Variants in QTMAN observed in about 807,000 individuals in gnomAD.
QTMAN encodes tRNA-queuosine alpha-mannosyltransferase.
the QTMAN span, among the ~76,000 whole-genome samples, chr2:144,089,522 C>T: frequency 1.3e-5 from 2 of 151,834 alleles, no homozygotes; most frequent in African/African-American, 4.8e-5. Flanking sequence ...TTCACCATGG[C>T]AAAGATACGG....
chr2:144,297,259 T>A, the QTMAN span, among the ~76,000 whole-genome samples: 1 of 152,194 alleles, frequency 6.6e-6, no homozygotes, highest in Non-Finnish European at 1.5e-5. Context: ...TCTTGAATAA[T>A]GCCAAGAGCA....
At chr2:144,145,561 TC>T in the QTMAN span, 1 of 1,598,138 alleles carries the variant, frequency 6.3e-7, no homozygotes, top group Non-Finnish European at 8.6e-7. Flanking sequence ...AATGATACAA[TC>T]CATACCTACC....
the QTMAN span, among the ~76,000 whole-genome samples, chr2:144,200,272 T>G: frequency 8.1e-4 from 124 of 152,338 alleles, no homozygotes; most frequent in African/African-American, 2.8e-3. Context: ...GCAAAATACC[T>G]CTTTGGGCCA....
At chr2:143,938,257 T>C in the QTMAN span, 1 of 152,190 alleles carries the variant, frequency 6.6e-6, no homozygotes. Context: ...TCTTTCCTTT[T>C]AATTAATCAG....
At chr2:144,137,597 T>G in the QTMAN span, among the ~76,000 whole-genome samples, 1 of 152,112 alleles carries the variant, frequency 6.6e-6, no homozygotes, top group East Asian at 1.9e-4. Flanking sequence ...GAACACTGGA[T>G]GAAGATTTTG....
the QTMAN span, among the ~76,000 whole-genome samples, chr2:144,100,374 A>C: frequency 6.6e-6 from 1 of 152,226 alleles, no homozygotes; most frequent in Admixed American, 6.5e-5. Flanking sequence ...ATGCCACTCA[A>C]ATAAGAAAGA....
chr2:144,225,105 C>T, the QTMAN span, among the ~76,000 whole-genome samples: 1 of 152,098 alleles, frequency 6.6e-6, no homozygotes, highest in Non-Finnish European at 1.5e-5. Context: ...ATTTGATCTC[C>T]CAGGTGCAGC....
the QTMAN span, among the ~76,000 whole-genome samples, chr2:144,152,975 AAG>A: frequency 5.3e-5 from 8 of 152,196 alleles, no homozygotes; most frequent in Non-Finnish European, 1.0e-4. Flanking sequence ...AAAGAGAACT[AAG>A]AGCAGTGAAA....
chr2:144,070,515 T>A, the QTMAN span, among the ~76,000 whole-genome samples: 1 of 152,076 alleles, frequency 6.6e-6, no homozygotes, highest in Non-Finnish European at 1.5e-5. Flanking sequence ...GTGAAATACA[T>A]AACACAATAC....
the QTMAN span, among the ~76,000 whole-genome samples, chr2:144,018,593 G>A: frequency 6.6e-6 from 1 of 152,104 alleles, no homozygotes; most frequent in South Asian, 2.1e-4. Context: ...AAAACAGATG[G>A]ATAAATTTGA....
chr2:144,029,857 ATT>A, the QTMAN span, among the ~76,000 whole-genome samples: 2 of 141,502 alleles, frequency 1.4e-5, no homozygotes, highest in African/African-American at 5.4e-5. Context: ...TTACAATTAT[ATT>A]ATGTTAAAGG....
chr2:144,053,699 TCTC>T, the QTMAN span, among the ~76,000 whole-genome samples: 1 of 152,150 alleles, frequency 6.6e-6, no homozygotes, highest in South Asian at 2.1e-4. Flanking sequence ...CCAACTCCAC[TCTC>T]CTCCTTCCAG....
At chr2:144,181,395 CA>C in the QTMAN span, among the ~76,000 whole-genome samples, 1 of 152,022 alleles carries the variant, frequency 6.6e-6, no homozygotes, top group Non-Finnish European at 1.5e-5. Flanking sequence ...ACTAAGTAAC[CA>C]AGAAAAATGT....
the QTMAN span, among the ~76,000 whole-genome samples, chr2:144,157,783 A>G: frequency 6.6e-6 from 1 of 151,882 alleles, no homozygotes; most frequent in Non-Finnish European, 1.5e-5. Context: ...TAACACATAT[A>G]TAACTATATA....
At chr2:144,238,846 T>C in the QTMAN span, among the ~76,000 whole-genome samples, 12 of 152,174 alleles carry the variant, frequency 7.9e-5, no homozygotes, top group Non-Finnish European at 1.0e-4. Flanking sequence ...AAAACCACTA[T>C]TGCTAAGGCT....
the QTMAN span, among the ~76,000 whole-genome samples, chr2:144,019,474 GTGTGTGTGTA>G: frequency 0.015 from 2,163 of 143,256 alleles, 28 homozygotes; most frequent in East Asian, 0.037. Context: ...GTGTGTGTGT[GTGTGTGTGTA>G]TGTAGTTTTA....
chr2:144,228,975 G>C, the QTMAN span, among the ~76,000 whole-genome samples: 1 of 151,910 alleles, frequency 6.6e-6, no homozygotes, highest in South Asian at 2.1e-4. Context: ...AAGAATAAAT[G>C]AGAGATTACA....
At chr2:144,254,067 C>A in the QTMAN span, among the ~76,000 whole-genome samples, 1 of 152,220 alleles carries the variant, frequency 6.6e-6, no homozygotes, top group Non-Finnish European at 1.5e-5. Flanking sequence ...TCACAGGGTG[C>A]AAGCCCCAGC....
chr2:144,315,630 C>T, the QTMAN span, among the ~76,000 whole-genome samples: 8 of 152,216 alleles, frequency 5.3e-5, no homozygotes, highest in African/African-American at 9.7e-5. Flanking sequence ...CTTTCCAAGT[C>T]GTCTCCCTCT....
Sources: gnomAD v4.1 joint callset for allele counts (sites outside exome capture counted in the v4.1 genomes callset) on GRCh38, gnomAD v4.1.1 for gene constraint, MANE v1.5 for transcripts, NCBI Gene and HGNC (gene_info 2026-07-23, HGNC 2026-07-21) for gene names.